Variants in GLB1 observed in about 807,000 individuals in gnomAD.
The protein encoded by GLB1 is galactosidase beta 1, also known as beta-galactosidase.
GLB1 carries 56 observed loss-of-function variants against 74.0 expected under a neutral mutation model. The ratio of observed to expected loss-of-function variants is 0.76; its 90% confidence interval spans 0.61 to 0.94. The LOEUF (loss-of-function observed/expected upper bound fraction) is 0.94, where lower values mean the gene tolerates loss of function less well. Among genes scored for constraint, GLB1 ranks in the 40% least tolerant of loss-of-function variants. The pLI is 0.00. For synonymous variants in GLB1, 323 were observed against 323.6 expected, an observed-to-expected ratio of 1.00 and a Z score of 0.02; for missense variants, 787 against 845.5, an observed-to-expected ratio of 0.93 and a Z score of 0.86.
intron 1 of GLB1, chr3:33,094,388 C>T (rs1225238785): frequency 7.4e-7 from 1 of 1,350,962 alleles, no homozygotes; most frequent in East Asian, 2.7e-5. Context: ...TTACATCTGC[C>T]CAACCCACCT....
intron 1 of GLB1, among the ~76,000 whole-genome samples, chr3:33,087,546 G>A (rs944180680): frequency 6.7e-6 from 1 of 148,798 alleles, no homozygotes; most frequent in African/African-American, 2.5e-5. Flanking sequence ...CTCCAGCCCC[G>A]GCGACAGAGC....
At chr3:32,997,452 C>T (rs1696358373) in intron 15 of GLB1, 108 bp from the exon 16 acceptor site, 6 of 1,534,778 alleles carry the variant, frequency 3.9e-6, no homozygotes, top group Non-Finnish European at 5.3e-6. Context: ...GAAAGAAATG[C>T]CCCCAGAAAG....
chr3:33,049,301 C>CT (rs1292782030), intron 9 of GLB1, among the ~76,000 whole-genome samples: 2 of 151,746 alleles, frequency 1.3e-5, no homozygotes, highest in African/African-American at 2.4e-5. Context: ...TTATCTTTTC[C>CT]TTTTTTTTAA....
chr3:33,052,124 C>G (rs1243249354), intron 7 of GLB1, 120 bp from the exon 8 acceptor site: 1 of 1,568,754 alleles, frequency 6.4e-7, no homozygotes, highest in Non-Finnish European at 8.6e-7. Flanking sequence ...ACATGCACTG[C>G]TTAACCCAGA....
chr3:32,996,002 A>C (rs2125441917), downstream of GLB1, among the ~76,000 whole-genome samples: 1 of 152,288 alleles, frequency 6.6e-6, no homozygotes, highest in African/African-American at 2.4e-5. Flanking sequence ...AGCATGTATT[A>C]ATATTTATGT....
intron 10 of GLB1, among the ~76,000 whole-genome samples, chr3:33,044,599 T>C (rs1201785050): frequency 1.3e-5 from 2 of 150,478 alleles, no homozygotes; most frequent in Non-Finnish European, 3.0e-5. Context: ...AATAAAGGAA[T>C]AACATAAGCA....
intron 10 of GLB1, chr3:33,030,937 T>C: frequency 1.8e-6 from 1 of 541,270 alleles, no homozygotes; most frequent in Non-Finnish European, 2.4e-6. Context: ...CCTATATTTT[T>C]ATGGTTCATC....
intron 5 of GLB1, among the ~76,000 whole-genome samples, chr3:33,064,776 C>CTCAA (rs771636389): frequency 1.5e-5 from 1 of 64,538 alleles, no homozygotes; most frequent in Non-Finnish European, 2.7e-5. Context: ...GACTCTCTCT[C>CTCAA]AAAAAAAAAA....
Position 33,024,135 on chromosome 3 carries a change from C to T in GLB1, c.1143+116G>A, listed in dbSNP as rs903989135. 39 of 1,218,856 alleles carry T rather than the reference C, an allele frequency of 3.2e-5. No homozygotes were observed. The Middle Eastern group carries it at 1.7e-3, about 53-fold the overall frequency. 75.5% of individuals were successfully genotyped at this position (1,218,856 alleles called of 1,614,324 possible). On this transcript the variant is annotated intron_variant, in intron 11 of 15. Coordinates refer to ENST00000307363, the MANE Select transcript of GLB1 (RefSeq NM_000404.4). ...CCATTAGGCTTGCAGAAAACAAATT[C>T]GCAGAAAAATAACGAACCAATTCCT...
intron 1 of GLB1, chr3:33,092,694 T>C (rs1700815605): frequency 2.8e-6 from 4 of 1,437,950 alleles, no homozygotes; most frequent in Non-Finnish European, 3.6e-6. Context: ...TAAGTCACTG[T>C]TTGAGTCAGG....
At chr3:32,964,842 G>C in the GLB1 span, among the ~76,000 whole-genome samples, 1 of 152,200 alleles carries the variant, frequency 6.6e-6, no homozygotes, top group African/African-American at 2.4e-5. Flanking sequence ...TGTCATGGGA[G>C]GGACCCAGTG....
intron 1 of GLB1, among the ~76,000 whole-genome samples, chr3:33,087,433 G>A (rs1224863143): frequency 6.6e-6 from 1 of 152,114 alleles, no homozygotes; most frequent in African/African-American, 2.4e-5. Flanking sequence ...AGCCGGGTGT[G>A]GTGGCGCGTG....
chr3:32,973,268 TC>T, the GLB1 span, among the ~76,000 whole-genome samples: 1 of 152,118 alleles, frequency 6.6e-6, no homozygotes, highest in South Asian at 2.1e-4. Context: ...TGATGGAAAT[TC>T]TCTATCTTAT....
the GLB1 span, among the ~76,000 whole-genome samples, chr3:32,981,972 T>C: frequency 6.6e-6 from 1 of 152,186 alleles, no homozygotes; most frequent in African/African-American, 2.4e-5. Context: ...CTTTTAACTG[T>C]TGCATATACC....
the GLB1 span, among the ~76,000 whole-genome samples, chr3:32,968,725 T>C: frequency 1.3e-5 from 2 of 152,116 alleles, no homozygotes; most frequent in African/African-American, 2.4e-5. Flanking sequence ...TTTAAAGAAA[T>C]CAAAGAAGCC....
intron 1 of GLB1, among the ~76,000 whole-genome samples, chr3:33,073,000 G>A (rs1240186650): frequency 6.6e-6 from 1 of 152,084 alleles, no homozygotes; most frequent in Non-Finnish European, 1.5e-5. Context: ...ATATTCCACT[G>A]TGCTGTTCAT....
chr3:33,066,153 C>T (rs6550204), intron 4 of GLB1, among the ~76,000 whole-genome samples: 113,839 of 151,896 alleles, frequency 0.75, 45,931 homozygotes, highest in Non-Finnish European at 0.9. Flanking sequence ...GGGACGAGGA[C>T]CAGTGTGCCT....
chr3:33,052,222 T>C (rs1157182769), intron 7 of GLB1, among the ~76,000 whole-genome samples: 1 of 152,200 alleles, frequency 6.6e-6, no homozygotes, highest in Non-Finnish European at 1.5e-5. Context: ...TCTTATACAA[T>C]GCAAGTATTC....
At chr3:33,043,476 GA>G (rs1223361329) in intron 10 of GLB1, among the ~76,000 whole-genome samples, 4 of 151,998 alleles carry the variant, frequency 2.6e-5, no homozygotes, top group Non-Finnish European at 5.9e-5. Context: ...CAAAGTAGAA[GA>G]GGGGGGAAAG....
Sources: gnomAD v4.1 joint callset for allele counts (sites outside exome capture counted in the v4.1 genomes callset) on GRCh38, gnomAD v4.1.1 for gene constraint, MANE v1.5 for transcripts, NCBI Gene and HGNC (gene_info 2026-07-23, HGNC 2026-07-21) for gene names.